The following SGK1 variants were observed in gnomAD, a reference collection of about 807,000 sequenced individuals.
The protein encoded by SGK1 is serum/glucocorticoid regulated kinase 1.
SGK1 carries 26 observed loss-of-function variants against 64.2 expected under a neutral mutation model. The ratio of observed to expected loss-of-function variants is 0.40; its 90% CI spans 0.30 to 0.56. The LOEUF is 0.56. SGK1 is among the 20% of genes least tolerant of loss of function. The probability of loss-of-function intolerance (pLI) is 0.38; values close to 1 mark genes in which losing one functional copy is unlikely to be tolerated. For missense variants in SGK1, 519 were observed against 645.6 expected (o/e 0.80, Z 2.12); for synonymous variants, 265 against 239.7 (o/e 1.11, Z -0.98).
intron 1 of SGK1, among the ~76,000 whole-genome samples, chr6:134,302,215 T>A (rs1389361526): frequency 6.6e-6 from 1 of 152,216 alleles, no homozygotes; most frequent in African/African-American, 2.4e-5. Context: ...TAATTATACA[T>A]TGGACATAAG....
At chr6:134,222,187 T>C (rs1776100078) in intron 2 of SGK1, among the ~76,000 whole-genome samples, 2 of 152,148 alleles carry the variant, frequency 1.3e-5, no homozygotes, top group African/African-American at 2.4e-5. Context: ...TTTAAATGCC[T>C]GGAGGTGAAT....
rs80354716 is a variant in SGK1, at chr6:134,302,731, T to G, written c.69+14661A>C. ...GGTCATTTAATCCTCATAACAGTTC[T>G]TTGAGGTATTATTGTTATTATTATT... On this transcript the variant is annotated intron_variant, in intron 1 of 13. Transcript: ENST00000367858. 5.6e-4 allele frequency among the ~76,000 whole-genome samples: 85 copies of G among 152,200 alleles called. 4 individuals carry two copies. In the East Asian group the frequency reaches 0.016, roughly 29 times the overall value.
rs1343849622 is a variant in SGK1, at chr6:134,239,478, T to C, written c.285+22455A>G. 2.0e-5 allele frequency among the ~76,000 whole-genome samples: 3 copies of C among 152,208 alleles called. No homozygotes were observed. In the East Asian group the frequency reaches 5.8e-4, roughly 29 times the overall value. ...ACCTTTCAGCAACTGATGTAGATAG[T>C]ATCAGCCTATGGGCTCTTCTAGGTC... is the stretch of plus-strand genomic sequence containing the variant. On this transcript the variant is annotated intron_variant, in intron 2 of 13. Coordinates refer to ENST00000367858, the MANE Select transcript of SGK1 (RefSeq NM_001143676.3).
At chr6:134,278,803 C>A (rs1777053101) in intron 1 of SGK1, among the ~76,000 whole-genome samples, 1 of 151,634 alleles carries the variant, frequency 6.6e-6, no homozygotes. Flanking sequence ...GTTCAAAGAT[C>A]CTATGGAAAT....
At chr6:134,212,285 C>G (rs1775905526) in intron 2 of SGK1, among the ~76,000 whole-genome samples, 1 of 152,056 alleles carries the variant, frequency 6.6e-6, no homozygotes, top group African/African-American at 2.4e-5. Context: ...GATCTCCTGA[C>G]CTCGTGATCC....
chr6:134,260,382 C>CCCCCA (rs923134826), intron 2 of SGK1: 1 of 143,068 alleles, frequency 7.0e-6, no homozygotes. Flanking sequence ...CCACCCCCCC[C>CCCCCA]AAAAAAAGGG....
chr6:134,265,492 AT>A (rs1007305007), intron 1 of SGK1, among the ~76,000 whole-genome samples: 30 of 144,312 alleles, frequency 2.1e-4, no homozygotes, highest in South Asian at 4.2e-4. Context: ...AACAAAAAAA[AT>A]ATATATATAC....
At chr6:134,176,327 A>G (rs376895549) in intron 3 of SGK1, among the ~76,000 whole-genome samples, 6 of 152,372 alleles carry the variant, frequency 3.9e-5, no homozygotes. Context: ...TGAGTCCCAC[A>G]TAAACTGTGA....
chr6:134,312,378 A>G (rs1320111557), intron 1 of SGK1, among the ~76,000 whole-genome samples: 2 of 152,240 alleles, frequency 1.3e-5, no homozygotes, highest in Non-Finnish European at 2.9e-5. Context: ...AAGGAAAACA[A>G]ATGTAAAGGG....
chr6:134,298,181 T>C (rs1777391683), intron 1 of SGK1: 1 of 1,438,028 alleles, frequency 7.0e-7, no homozygotes, highest in Non-Finnish European at 9.7e-7. Flanking sequence ...GATCTCATCC[T>C]CACCAGCCCC....
At chr6:134,305,095 C>G (rs1777514723) in intron 1 of SGK1, among the ~76,000 whole-genome samples, 1 of 152,102 alleles carries the variant, frequency 6.6e-6, no homozygotes, top group African/African-American at 2.4e-5. Context: ...GTTGCTCACA[C>G]CTGCAATCCC....
intron 2 of SGK1, among the ~76,000 whole-genome samples, chr6:134,228,439 G>A (rs1450016331): frequency 6.6e-6 from 1 of 152,168 alleles, no homozygotes; most frequent in Non-Finnish European, 1.5e-5. Flanking sequence ...AAAAAGGTAA[G>A]AGGGGCATAG....
chr6:134,305,913 C>T (rs748995727), intron 1 of SGK1, among the ~76,000 whole-genome samples: 2 of 152,074 alleles, frequency 1.3e-5, no homozygotes, highest in African/African-American at 4.8e-5. Flanking sequence ...CTCCATAGAC[C>T]TTAGGCATTT....
At chr6:134,187,707 C>T (rs535867697) in intron 3 of SGK1, among the ~76,000 whole-genome samples, 8 of 152,314 alleles carry the variant, frequency 5.3e-5, no homozygotes, top group African/African-American at 1.9e-4. Context: ...TGATCAGAAG[C>T]AGTGCTGTGT....
chr6:134,291,922 C>T (rs549908192), intron 1 of SGK1, among the ~76,000 whole-genome samples: 1 of 151,958 alleles, frequency 6.6e-6, no homozygotes, highest in African/African-American at 2.4e-5. Context: ...CAAAAAATAG[C>T]CAGGCATGGT....
chr6:134,292,064 A>C (rs1377565942), intron 1 of SGK1, among the ~76,000 whole-genome samples: 2 of 150,104 alleles, frequency 1.3e-5, no homozygotes, highest in Non-Finnish European at 3.0e-5. Flanking sequence ...CTCTCTCTCA[A>C]AAAAAAAAAA....
In SGK1 at chr6:134,243,598, G is replaced by A. The variant is rs1197679096; in HGVS notation, c.285+18335C>T. ...TGGTCAGGCTGGTCTCGAACTCCTG[G>A]CCTCAGGTGATCTGCTTGCCTTGGC... On this transcript the variant is annotated intron_variant, in intron 2 of 13. Transcript: ENST00000367858. Among the ~76,000 whole-genome samples, 4 of 152,194 alleles carry A rather than the reference G, an allele frequency of 2.6e-5. No homozygotes were observed. The East Asian group carries it at 7.7e-4, about 29-fold the overall frequency.
chr6:134,245,767 G>A (rs538529094), intron 2 of SGK1, among the ~76,000 whole-genome samples: 1 of 152,322 alleles, frequency 6.6e-6, no homozygotes, highest in South Asian at 2.1e-4. Flanking sequence ...GAGGCAAGTG[G>A]ATAGCTTGAG....
At chr6:134,237,767 G>C (rs1776386625) in intron 2 of SGK1, among the ~76,000 whole-genome samples, 1 of 152,072 alleles carries the variant, frequency 6.6e-6, no homozygotes, top group Non-Finnish European at 1.5e-5. Context: ...TTGTAGCTTT[G>C]TTTTTTCCGT....
Sources: allele counts gnomAD v4.1 joint callset (sites outside exome capture counted in the v4.1 genomes callset), GRCh38; gene constraint gnomAD v4.1.1; transcripts MANE v1.5; gene names NCBI Gene and HGNC (gene_info 2026-07-23, HGNC 2026-07-21).